Variants in MED23 observed in about 807,000 individuals in gnomAD.
MED23 encodes the protein mediator complex subunit 23.
MED23 carries 105 observed loss-of-function variants against 163.9 expected under a neutral mutation model. The ratio of observed to expected loss-of-function variants is 0.64; its 90% confidence interval spans 0.55 to 0.75. MED23 has a LOEUF of 0.75. MED23 is among the 30% of genes least tolerant of loss of function. The probability of loss-of-function intolerance (pLI) is 0.00; values close to 1 mark genes in which losing one functional copy is unlikely to be tolerated. For missense variants in MED23, 1,054 were observed against 1,649.0 expected, an observed-to-expected ratio of 0.64 and a Z score of 6.25; for synonymous variants, 561 against 565.6, an observed-to-expected ratio of 0.99 and a Z score of 0.12.
chr6:131,600,248 T>C, intron 17 of MED23, 86 bp from the exon 18 acceptor site: 1 of 1,325,094 alleles, frequency 7.5e-7, no homozygotes, highest in Non-Finnish European at 1.1e-6. Flanking sequence ...AATAATTATG[T>C]ACACTGAGAA....
At chr6:131,584,658 T>C (rs550414963), downstream of MED23, among the ~76,000 whole-genome samples, 1 of 132,920 alleles carries the variant, frequency 7.5e-6, no homozygotes, top group African/African-American at 3.3e-5. Flanking sequence ...TTTAAAAGCA[T>C]GGTTGCTATT....
chr6:131,602,208 T>C lies in MED23; in HGVS notation c.2095+10A>G. The C allele has an allele frequency of 1.2e-6, 2 of 1,613,514 alleles. No individual in the cohort carries two copies. Among genetic ancestry groups the C allele is most frequent in the South Asian group, 2.2e-5 (2 of 91,068 alleles). The stretch of plus-strand genomic sequence containing the variant: ...ATCTGTTGTTGTTTGTAGTCACATA[T>C]TCACCGTACCTGTTACATGAGTTGC... On this transcript the variant is annotated intron_variant, in intron 17 of 28. Transcript: ENST00000368068.
rs1233951946 is a variant in MED23, at chr6:131,604,550, A to G, written c.1614-230T>C. ...AATATGCATACGGATCCCCCTGCTC[A>G]TGGAAAAACAAACTTTGGATTCAAC... is the stretch of plus-strand genomic sequence containing the variant. On this transcript the variant is annotated intron_variant, in intron 14 of 28. Coordinates refer to ENST00000368068, the MANE Select transcript of MED23 (RefSeq NM_004830.4). Among the ~76,000 whole-genome samples the G allele has an allele frequency of 2.0e-5, 3 of 152,154 alleles. No individual in the cohort carries two copies. In the East Asian group the frequency reaches 5.8e-4, roughly 29 times the overall value.
chr6:131,592,614 T>C, intron 24 of MED23, 154 bp from the exon 25 acceptor site: 1 of 701,216 alleles, frequency 1.4e-6, no homozygotes, highest in Middle Eastern at 3.3e-4. Context: ...TGAATAAAAA[T>C]GTAATATGCA....
chr6:131,625,142 T>TA (rs1263417298), intron 3 of MED23, among the ~76,000 whole-genome samples, 153 bp from the exon 4 acceptor site: 1 of 152,170 alleles, frequency 6.6e-6, no homozygotes, highest in East Asian at 1.9e-4. Context: ...AAAGCAAAAT[T>TA]AAAAAATTCA....
intron 17 of MED23, among the ~76,000 whole-genome samples, chr6:131,600,496 G>C (rs1353155984): frequency 6.6e-6 from 1 of 152,148 alleles, no homozygotes. Flanking sequence ...ACTTTATTCG[G>C]CCAAGGGAAC....
At chr6:131,578,190 A>T (rs1773722709) in intron 30 of MED23, among the ~76,000 whole-genome samples, 1 of 151,714 alleles carries the variant, frequency 6.6e-6, no homozygotes, top group Admixed American at 6.6e-5. Flanking sequence ...AATCTTTAAA[A>T]AAAAAAAAAA....
In MED23 at chr6:131,618,511, T is replaced by C; in HGVS notation, c.676A>G (p.Ser226Gly). The C allele has an allele frequency of 1.2e-6, 2 of 1,610,910 alleles. No homozygotes were observed. The highest frequency in any genetic ancestry group is 1.7e-6 in the Non-Finnish European group (2 of 1,177,104). Residue 226 changes from serine (S) to glycine (G), a missense_variant, in exon 9 of 29, where the codon AGT becomes GGT. By Grantham distance (56) the Ser-to-Gly change is moderately conservative. This residue lies in a region of MED23 where 54 missense variants were observed against 79.7 expected (regional missense o/e 0.68). Coordinates refer to ENST00000368068, the MANE Select transcript of MED23 (RefSeq NM_004830.4). The stretch of plus-strand genomic sequence containing the variant: ...GAATTATTTACAACTGGCAGAAGAC[T>C]ACAGCGACCTGTATGTATTACAAAA... Reference protein sequence around the residue: ...ARINSICGRCSLLPVVNNSGA... With the variant: ...ARINSICGRCGLLPVVNNSGA...
chr6:131,593,493 GA>G (rs1466641714), intron 23 of MED23, among the ~76,000 whole-genome samples: 1 of 152,072 alleles, frequency 6.6e-6, no homozygotes, highest in African/African-American at 2.4e-5. Flanking sequence ...ATTTTCTAAT[GA>G]GTCATTCTTT....
chr6:131,612,427 G>A (rs749851002), intron 10 of MED23, among the ~76,000 whole-genome samples: 5 of 151,992 alleles, frequency 3.3e-5, no homozygotes, highest in Admixed American at 6.6e-5. Flanking sequence ...TTTACAAAGT[G>A]GAACAAACAT....
intron 8 of MED23, among the ~76,000 whole-genome samples, chr6:131,619,033 T>G (rs1217119927): frequency 1.3e-5 from 2 of 152,216 alleles, no homozygotes; most frequent in Admixed American, 1.3e-4. Flanking sequence ...TACATCCAAC[T>G]GCCTAACAAA....
At chr6:131,622,422 A>G (rs1021902499) in intron 5 of MED23, among the ~76,000 whole-genome samples, 1 of 152,128 alleles carries the variant, frequency 6.6e-6, no homozygotes, top group Non-Finnish European at 1.5e-5. Context: ...TGACTGGCCT[A>G]TTCTCCCTTC....
intron 5 of MED23, 60 bp downstream of exon 5, chr6:131,623,291 G>T: frequency 7.7e-7 from 1 of 1,301,992 alleles, no homozygotes; most frequent in Non-Finnish European, 1.1e-6. Flanking sequence ...AATAAGACAT[G>T]CACACCGAAA....
At chr6:131,578,187 A>T (rs922453431) in intron 30 of MED23, among the ~76,000 whole-genome samples, 10 of 31,092 alleles carry the variant, frequency 3.2e-4, no homozygotes, top group African/African-American at 1.4e-3. Flanking sequence ...GTAAATCTTT[A>T]AAAAAAAAAA....
intron 25 of MED23, chr6:131,592,080 G>A (rs535666599): frequency 7.5e-5 from 29 of 387,902 alleles, no homozygotes; most frequent in African/African-American, 3.3e-4. Flanking sequence ...TATACAACAC[G>A]TTAAGTGGCC....
intron 10 of MED23, among the ~76,000 whole-genome samples, chr6:131,615,535 A>AAAAAAAC (rs1776619084): frequency 1.4e-5 from 2 of 142,870 alleles, no homozygotes; most frequent in Admixed American, 7.0e-5. Flanking sequence ...AAAAAAAAAA[A>AAAAAAAC]TCAGCAAGAA....
chr6:131,611,297 T>C (rs1369833394), intron 10 of MED23, among the ~76,000 whole-genome samples: 2 of 152,198 alleles, frequency 1.3e-5, no homozygotes, highest in Non-Finnish European at 1.5e-5. Context: ...CTCTTTTGCA[T>C]GCTCTTTGCC....
intron 30 of MED23, among the ~76,000 whole-genome samples, chr6:131,577,330 T>G (rs888287697): frequency 3.0e-4 from 45 of 152,166 alleles, no homozygotes; most frequent in African/African-American, 1.0e-3. Flanking sequence ...ACAGCCACTT[T>G]GAAAGTAGGT....
intron 30 of MED23, among the ~76,000 whole-genome samples, chr6:131,577,237 T>C (rs1773662835): frequency 1.3e-5 from 2 of 152,254 alleles, no homozygotes; most frequent in Non-Finnish European, 2.9e-5. Context: ...CTGTTACCTT[T>C]ACATATAAGA....
Sources: allele counts gnomAD v4.1 joint callset (sites outside exome capture counted in the v4.1 genomes callset), GRCh38; gene constraint gnomAD v4.1.1; regional missense constraint gnomAD v4.1.1; transcripts MANE v1.5; gene names NCBI Gene and HGNC (gene_info 2026-07-23, HGNC 2026-07-21).